The following NOSTRIN variants were observed in gnomAD, a reference collection of about 807,000 sequenced individuals.
NOSTRIN encodes nitric oxide synthase trafficking.
NOSTRIN carries 63 observed loss-of-function variants against 59.0 expected under a neutral mutation model. That is an observed-to-expected ratio of 1.07 (90% CI 0.87 to 1.32). NOSTRIN has a LOEUF of 1.32. Among genes scored for constraint, NOSTRIN ranks in the 40% most tolerant of loss-of-function variants. NOSTRIN has a pLI of 0.00. For missense variants in NOSTRIN, 512 were observed against 473.1 expected, an observed-to-expected ratio of 1.08 and a Z score of -0.76; for synonymous variants, 200 against 165.4, an observed-to-expected ratio of 1.21 and a Z score of -1.61.
Position 168,831,651 on chromosome 2 carries a change from G to GA in NOSTRIN, c.405+122dup. On this transcript the variant is annotated intron_variant, in intron 6 of 15. Transcript: ENST00000317647. Reference sequence around the variant, plus strand: ...AGTACTTCTAAGTGCTAACTGAAGAGAAAAATGTTTCCTTACCTGGTTGTT... The same window carrying GA: ...AGTACTTCTAAGTGCTAACTGAAGAGAAAAAATGTTTCCTTACCTGGTTGTT... 3 of 654,560 alleles carry GA rather than the reference G, an allele frequency of 4.6e-6. No individual in the cohort carries two copies. In the Admixed American group the frequency reaches 6.7e-5, roughly 15 times the overall value. The allele number at this position is 654,560 out of a possible 1,614,324, so 40.5% of individuals were successfully genotyped here.
chr2:168,807,720 T>G (rs1003412963), intron 1 of NOSTRIN, among the ~76,000 whole-genome samples: 1 of 152,188 alleles, frequency 6.6e-6, no homozygotes, highest in Non-Finnish European at 1.5e-5. Context: ...AGAGTATGGC[T>G]GGGAGCGAGG....
intron 15 of NOSTRIN, 68 bp from the exon 16 acceptor site, chr2:168,864,766 T>G: frequency 1.3e-6 from 2 of 1,573,682 alleles, no homozygotes; most frequent in South Asian, 1.1e-5. Flanking sequence ...TCCTTAAAAC[T>G]CTTATCAATC....
At chr2:168,812,674 G>A (rs917072216) in intron 2 of NOSTRIN, among the ~76,000 whole-genome samples, 27 of 152,114 alleles carry the variant, frequency 1.8e-4, no homozygotes, top group African/African-American at 5.8e-4. Flanking sequence ...CTTCCAAAAG[G>A]CAGGAAAATG....
At chr2:168,853,826 C>G (rs1317684501) in intron 10 of NOSTRIN, among the ~76,000 whole-genome samples, 3 of 152,082 alleles carry the variant, frequency 2.0e-5, no homozygotes, top group Non-Finnish European at 4.4e-5. Context: ...AAAATAAAAC[C>G]AACCATTGAG....
At chr2:168,796,870 T>C (rs1427215475), upstream of NOSTRIN, among the ~76,000 whole-genome samples, 1 of 152,148 alleles carries the variant, frequency 6.6e-6, no homozygotes, top group African/African-American at 2.4e-5. Flanking sequence ...GATATGGGCC[T>C]ACCCGTAAAC....
At position 168,839,048 on chromosome 2, in the gene NOSTRIN, G is replaced by T. The variant is rs189983518; in HGVS notation, c.505-3944G>T. ...GATCTGCCCGACTTGGCCTCCCAAAGTGCTGGGATTACGGGCGTGAACCAC... is the reference window on the plus strand; with the variant it reads ...GATCTGCCCGACTTGGCCTCCCAAATTGCTGGGATTACGGGCGTGAACCAC... On this transcript the variant is annotated intron_variant, in intron 7 of 15. Transcript: ENST00000317647. Among the ~76,000 whole-genome samples, 959 of 152,202 alleles carry T rather than the reference G, an allele frequency of 6.3e-3. 6 individuals are homozygous for T. Among genetic ancestry groups the T allele is most frequent in the Non-Finnish European group, 0.011 (725 of 68,006 alleles).
chr2:168,797,545 A>G (rs829950), upstream of NOSTRIN, among the ~76,000 whole-genome samples: 63,877 of 152,120 alleles, frequency 0.42, 13,944 homozygotes, highest in East Asian at 0.66. Context: ...CTGGGCCAAC[A>G]TAAAGCTATA....
At chr2:168,818,488 CA>C (rs1258632711) in intron 2 of NOSTRIN, among the ~76,000 whole-genome samples, 1 of 152,160 alleles carries the variant, frequency 6.6e-6, no homozygotes, top group Non-Finnish European at 1.5e-5. Context: ...CTCATAGACA[CA>C]GGGGGCAACT....
At chr2:168,792,241 G>C (rs1375087249) in intron 2 of NOSTRIN, among the ~76,000 whole-genome samples, 1 of 152,030 alleles carries the variant, frequency 6.6e-6, no homozygotes, top group Non-Finnish European at 1.5e-5. Flanking sequence ...CTTTTAAAAT[G>C]AGGATGCCAT....
chr2:168,840,549 AAAC>A (rs1688030973), intron 7 of NOSTRIN, among the ~76,000 whole-genome samples: 13 of 151,472 alleles, frequency 8.6e-5, no homozygotes, highest in African/African-American at 1.2e-4. Flanking sequence ...AAAAAAAAAA[AAAC>A]AAAAAAACAG....
At chr2:168,860,222 T>C (rs59115206) in intron 13 of NOSTRIN, among the ~76,000 whole-genome samples, 8,230 of 152,308 alleles carry the variant, frequency 0.054, 704 homozygotes, top group African/African-American at 0.18. Context: ...AGTAATGCTA[T>C]GAATATTACT....
intron 5 of NOSTRIN, among the ~76,000 whole-genome samples, chr2:168,829,492 T>C (rs979400746): frequency 6.6e-6 from 1 of 152,146 alleles, no homozygotes; most frequent in Non-Finnish European, 1.5e-5. Context: ...GGCTAATTTT[T>C]GTATTTTTAG....
intron 7 of NOSTRIN, among the ~76,000 whole-genome samples, chr2:168,841,235 C>CAAAAAAAAAAAAAAA (rs57480764): frequency 1.7e-4 from 18 of 106,574 alleles, no homozygotes; most frequent in African/African-American, 3.2e-4. Flanking sequence ...ACCCTGTCTC[C>CAAAAAAAAAAAAAAA]AAAAAAAAAA....
Position 168,831,558 on chromosome 2 carries a change from G to T in NOSTRIN, c.405+24G>T, listed in dbSNP as rs200159581. 19 of 841,574 alleles carry T rather than the reference G, an allele frequency of 2.3e-5. No homozygotes were observed. In the East Asian group the frequency reaches 4.6e-4, roughly 20 times the overall value. 52.1% of individuals were successfully genotyped at this position (841,574 alleles called of 1,614,324 possible). On this transcript the variant is annotated intron_variant, in intron 6 of 15. Transcript: ENST00000317647. ...AGGCAAGTATCCACAAATACCATTT[G>T]TGTAAACTCAGTTTTTAGAATTGAA...
At position 168,811,664 on chromosome 2, in the gene NOSTRIN, A is replaced by G. The variant is rs1686141734; in HGVS notation, c.113+12A>G. On this transcript the variant is annotated intron_variant, in intron 2 of 15. Coordinates refer to ENST00000317647, the MANE Select transcript of NOSTRIN (RefSeq NM_001039724.4). ...GTTCTTCAGCAAAGGTACAAAATGC[A>G]CGTTTGCAATAAATGGTTCTTCCTC... The G allele has an allele frequency of 1.2e-6, 1 of 838,840 alleles. No homozygotes were observed. The highest frequency in any genetic ancestry group is 2.0e-6 in the Non-Finnish European group (1 of 488,994). 52.0% of individuals were successfully genotyped at this position (838,840 alleles called of 1,614,324 possible).
intron 12 of NOSTRIN, among the ~76,000 whole-genome samples, chr2:168,857,855 G>A (rs1433041250): frequency 6.6e-6 from 1 of 151,936 alleles, no homozygotes; most frequent in Admixed American, 6.6e-5. Context: ...ATAGTTCTTT[G>A]GTGAAAGAAG....
At chr2:168,787,126 G>T (rs940781497) in intron 1 of NOSTRIN, among the ~76,000 whole-genome samples, 1 of 152,138 alleles carries the variant, frequency 6.6e-6, no homozygotes, top group Admixed American at 6.6e-5. Context: ...GGTAAGAAAA[G>T]GTTTCAAGCA....
intron 5 of NOSTRIN, among the ~76,000 whole-genome samples, chr2:168,830,368 A>G (rs957579507): frequency 5.3e-5 from 8 of 152,166 alleles, no homozygotes; most frequent in Non-Finnish European, 5.9e-5. Context: ...CTCACAAAAT[A>G]TAAAAGATTA....
intron 7 of NOSTRIN, among the ~76,000 whole-genome samples, chr2:168,842,512 C>T (rs145174576): frequency 7.9e-5 from 12 of 152,252 alleles, no homozygotes; most frequent in African/African-American, 2.2e-4. Context: ...AAAATAATAT[C>T]GCTAGATAGG....
Sources: allele counts gnomAD v4.1 joint callset (sites outside exome capture counted in the v4.1 genomes callset), GRCh38; gene constraint gnomAD v4.1.1; transcripts MANE v1.5; gene names NCBI Gene and HGNC (gene_info 2026-07-23, HGNC 2026-07-21).